Variants in FIG4 observed in about 807,000 individuals in gnomAD.
FIG4 encodes FIG4 phosphoinositide 5-phosphatase, also known as polyphosphoinositide phosphatase.
Under a neutral mutation model 118.6 loss-of-function variants are expected in FIG4, and 112 were observed. The observed-to-expected ratio is 0.94, with a 90% CI of 0.81 to 1.11. The LOEUF (loss-of-function observed/expected upper bound fraction) is 1.11, where lower values mean the gene tolerates loss of function less well. FIG4 is among the 50% of genes least tolerant of loss of function. The pLI is 0.00. For synonymous variants in FIG4, 369 were observed against 381.2 expected, an observed-to-expected ratio of 0.97 and a Z score of 0.37; for missense variants, 969 against 1,111.7, an observed-to-expected ratio of 0.87 and a Z score of 1.83.
intron 22 of FIG4, among the ~76,000 whole-genome samples, chr6:109,811,481 T>A (rs1479147699): frequency 6.6e-6 from 1 of 152,190 alleles, no homozygotes; most frequent in Non-Finnish European, 1.5e-5. Context: ...CCACAAGTCA[T>A]CTAATAGTTG....
intron 18 of FIG4, among the ~76,000 whole-genome samples, chr6:109,787,242 A>G (rs60456575): frequency 0.081 from 12,342 of 152,188 alleles, 1,036 homozygotes; most frequent in African/African-American, 0.21. Flanking sequence ...AAAGAAAATT[A>G]CTTGTTATAT....
intron 16 of FIG4, among the ~76,000 whole-genome samples, chr6:109,782,028 G>A (rs1273676981): frequency 6.6e-6 from 1 of 151,862 alleles, no homozygotes; most frequent in Non-Finnish European, 1.5e-5. Context: ...GTTTCAGGGG[G>A]CTCCCAAGTT....
chr6:109,708,003 T>C (rs1394525680), intron 1 of FIG4, among the ~76,000 whole-genome samples: 1 of 151,878 alleles, frequency 6.6e-6, no homozygotes, highest in Non-Finnish European at 1.5e-5. Context: ...TTTTTTTTTT[T>C]TTTACTTTTA....
intron 6 of FIG4, among the ~76,000 whole-genome samples, chr6:109,735,668 A>G (rs1376552118): frequency 2.0e-5 from 3 of 152,060 alleles, no homozygotes; most frequent in Non-Finnish European, 4.4e-5. Flanking sequence ...CCAGTTTGTT[A>G]TGGTCTGAGT....
chr6:109,766,643 T>C, intron 14 of FIG4, 86 bp from the exon 15 acceptor site: 2 of 1,135,304 alleles, frequency 1.8e-6, no homozygotes, highest in East Asian at 2.3e-5. Flanking sequence ...ATTTTTAAAG[T>C]ATAAGACTTG....
chr6:109,765,063 A>G lies in FIG4; in HGVS notation c.1485A>G (p.Thr495=), dbSNP rs762282309. 10 of 1,613,882 alleles carry G rather than the reference A, an allele frequency of 6.2e-6. No individual in the cohort carries two copies. The Middle Eastern group carries it at 1.3e-3, about 213-fold the overall frequency. Residue 495 remains threonine (T), a synonymous_variant, in exon 14 of 23, where the codon ACA becomes ACG. Transcript: ENST00000230124. ...NCVDCLDRTN[T]AQFMVGKCAL... ...TGGACTGTTTAGATCGCACCAACAC[A>G]GCACAGTTTATGGTGGGAAAATGTG...
chr6:109,780,571 C>T (rs899148455), intron 16 of FIG4, among the ~76,000 whole-genome samples: 4 of 152,056 alleles, frequency 2.6e-5, no homozygotes, highest in African/African-American at 4.8e-5. Flanking sequence ...AAAGATCATA[C>T]GGGATGCCCA....
chr6:109,743,897 G>C, intron 10 of FIG4, 125 bp downstream of exon 10: 2 of 762,784 alleles, frequency 2.6e-6, no homozygotes, highest in South Asian at 1.4e-5. Context: ...AGATTATTAT[G>C]CTGGGACAGC....
At chr6:109,798,568 A>G (rs767007894) in intron 22 of FIG4, among the ~76,000 whole-genome samples, 2 of 152,158 alleles carry the variant, frequency 1.3e-5, no homozygotes, top group Non-Finnish European at 2.9e-5. Context: ...ATGAGTAATA[A>G]TGAAAGTCAA....
intron 17 of FIG4, among the ~76,000 whole-genome samples, chr6:109,785,412 T>G (rs992756241): frequency 1.3e-5 from 2 of 152,170 alleles, no homozygotes; most frequent in Non-Finnish European, 2.9e-5. Context: ...AACTTAAAAC[T>G]TTTTTCCTGT....
intron 22 of FIG4, among the ~76,000 whole-genome samples, chr6:109,821,316 C>A (rs1387446743): frequency 2.0e-5 from 3 of 152,318 alleles, no homozygotes; most frequent in Non-Finnish European, 4.4e-5. Context: ...TTAAGTAAAT[C>A]TTTCCTGAGC....
In FIG4 at chr6:109,691,422, C is replaced by T. The variant is rs1302207128; in HGVS notation, c.-14C>T. 5 of 1,570,262 alleles carry T rather than the reference C, an allele frequency of 3.2e-6. No individual in the cohort carries two copies. In the South Asian group the frequency reaches 3.5e-5, roughly 11 times the overall value. On this transcript the variant is annotated 5_prime_UTR_variant, in exon 1 of 23. Transcript: ENST00000230124. ...GGCTCGTGCCCTGTTGTGGGGCCCC[C>T]ATTTGCCGCCGCCATGCCCACGGCC... is the stretch of plus-strand genomic sequence containing the variant.
At chr6:109,812,824 T>C (rs1359406744) in intron 22 of FIG4, among the ~76,000 whole-genome samples, 2 of 152,128 alleles carry the variant, frequency 1.3e-5, no homozygotes, top group Admixed American at 1.3e-4. Context: ...ACTTGAGGAA[T>C]GATCGTTCCT....
chr6:109,767,828 C>T (rs186754944), intron 15 of FIG4, among the ~76,000 whole-genome samples: 79 of 152,060 alleles, frequency 5.2e-4, no homozygotes, highest in Non-Finnish European at 8.7e-4. Context: ...GCCGAGATCG[C>T]GCCACTGCAC....
At chr6:109,763,908 T>G in intron 12 of FIG4, 29 bp from the exon 13 acceptor site, 1 of 1,548,288 alleles carries the variant, frequency 6.5e-7, no homozygotes, top group Non-Finnish European at 8.9e-7. Context: ...GCCATTAAGT[T>G]TTTTAAAAGT....
intron 15 of FIG4, among the ~76,000 whole-genome samples, chr6:109,773,438 G>A (rs988384097): frequency 9.2e-5 from 14 of 152,140 alleles, no homozygotes; most frequent in South Asian, 2.1e-4. Flanking sequence ...TCTCAAGTCC[G>A]TTTCTCTACT....
At chr6:109,693,581 TA>T (rs1562630974) in intron 1 of FIG4, among the ~76,000 whole-genome samples, 1 of 152,200 alleles carries the variant, frequency 6.6e-6, no homozygotes, top group African/African-American at 2.4e-5. Flanking sequence ...CATTGCATGG[TA>T]TCCAGCTTCT....
At chr6:109,745,149 A>G (rs1209631716) in intron 10 of FIG4, among the ~76,000 whole-genome samples, 5 of 152,178 alleles carry the variant, frequency 3.3e-5, no homozygotes, top group Non-Finnish European at 5.9e-5. Context: ...TCCTTTGGGT[A>G]TATACCCAGT....
chr6:109,795,026 C>A (rs1420199418), intron 21 of FIG4, among the ~76,000 whole-genome samples: 1 of 144,986 alleles, frequency 6.9e-6, no homozygotes, highest in Non-Finnish European at 1.5e-5. Context: ...TTTCTAGTAT[C>A]TTTGGTTTGC....
Sources: gnomAD v4.1 joint callset for allele counts (sites outside exome capture counted in the v4.1 genomes callset) on GRCh38, gnomAD v4.1.1 for gene constraint, MANE v1.5 for transcripts, NCBI Gene and HGNC (gene_info 2026-07-23, HGNC 2026-07-21) for gene names.